Variants in TENM2 observed in about 807,000 individuals in gnomAD.
The protein encoded by TENM2 is teneurin transmembrane protein 2, also known as teneurin-2.
TENM2 carries 52 observed loss-of-function variants against 245.2 expected under a neutral mutation model. The observed-to-expected ratio is 0.21, with a 90% CI of 0.17 to 0.27. The LOEUF (loss-of-function observed/expected upper bound fraction) is 0.27, where lower values mean the gene tolerates loss of function less well. Ranked by LOEUF, TENM2 falls within the 10% of genes least tolerant of loss-of-function variation. The probability of loss-of-function intolerance (pLI) is 1.00; values close to 1 mark genes in which losing one functional copy is unlikely to be tolerated. For missense variants in TENM2, 3,046 were observed against 3,666.8 expected, an observed-to-expected ratio of 0.83 and a Z score of 4.37; for synonymous variants, 1,363 against 1,438.9, an observed-to-expected ratio of 0.95 and a Z score of 1.19.
rs1002162877 is a variant in TENM2 at position 168,109,038 on chromosome 5, C to T, written c.1814-9254C>T. On this transcript the variant is annotated intron_variant, in intron 9 of 28. Coordinates refer to ENST00000518659, the Ensembl canonical transcript of TENM2. Reference sequence around the variant, plus strand: ...CTTCAAACCTTCCATCATTCATACCCATCTCCTTCTACCACCCCATCTTGC... The same window carrying T: ...CTTCAAACCTTCCATCATTCATACCTATCTCCTTCTACCACCCCATCTTGC... 2.6e-5 allele frequency among the ~76,000 whole-genome samples: 4 copies of T among 152,146 alleles called. No homozygotes were observed. The South Asian group carries it at 8.3e-4, about 32-fold the overall frequency.
chr5:167,779,586 G>T (rs1276599920), intron 2 of TENM2, among the ~76,000 whole-genome samples: 5 of 152,140 alleles, frequency 3.3e-5, no homozygotes, highest in African/African-American at 7.2e-5. Flanking sequence ...CTTTATTAGG[G>T]TCTGTCCTTC....
intron 12 of TENM2, among the ~76,000 whole-genome samples, chr5:168,138,832 C>T (rs1755287836): frequency 1.3e-5 from 2 of 152,334 alleles, no homozygotes; most frequent in South Asian, 4.1e-4. Context: ...TCATTGAGTG[C>T]CTAACATGTG....
chr5:167,543,405 C>A (rs1772342124), intron 2 of TENM2, among the ~76,000 whole-genome samples: 1 of 152,106 alleles, frequency 6.6e-6, no homozygotes, highest in African/African-American at 2.4e-5. Flanking sequence ...GTGGTGAAGT[C>A]ACACAGCCAA....
At chr5:167,312,388 G>T (rs560845998) in intron 1 of TENM2, among the ~76,000 whole-genome samples, 3 of 152,112 alleles carry the variant, frequency 2.0e-5, no homozygotes, top group Non-Finnish European at 4.4e-5. Flanking sequence ...GTCTCCACTT[G>T]CCCCGGCTGT....
the TENM2 span, among the ~76,000 whole-genome samples, chr5:167,110,128 A>G: frequency 6.6e-6 from 1 of 152,358 alleles, no homozygotes; most frequent in South Asian, 2.1e-4. Context: ...GGCTCCCAAC[A>G]GAGAAATGGT....
the TENM2 span, among the ~76,000 whole-genome samples, chr5:167,095,123 C>A: frequency 1.3e-4 from 20 of 152,222 alleles, 1 homozygote; most frequent in African/African-American, 4.6e-4. Flanking sequence ...ATGGCCACCT[C>A]CCTCCAATCA....
intron 2 of TENM2, among the ~76,000 whole-genome samples, chr5:167,545,267 C>T (rs1294330064): frequency 6.6e-6 from 1 of 152,172 alleles, no homozygotes; most frequent in Admixed American, 6.5e-5. Context: ...CACTACCAAC[C>T]ACAACCTCCA....
intron 2 of TENM2, among the ~76,000 whole-genome samples, chr5:167,487,552 T>C (rs770265374): frequency 6.6e-6 from 1 of 152,206 alleles, no homozygotes; most frequent in Non-Finnish European, 1.5e-5. Flanking sequence ...TAGTGAACTT[T>C]CTGTGTATGA....
chr5:167,600,600 T>C (rs139659089), intron 2 of TENM2, among the ~76,000 whole-genome samples: 346 of 152,216 alleles, frequency 2.3e-3, no homozygotes, highest in African/African-American at 7.7e-3. Flanking sequence ...GACTGATGAG[T>C]TGGTTATAAT....
At chr5:167,473,643 G>T (rs1166036776) in intron 2 of TENM2, among the ~76,000 whole-genome samples, 3 of 152,186 alleles carry the variant, frequency 2.0e-5, no homozygotes, top group South Asian at 4.1e-4. Context: ...GCAGATCGTA[G>T]AAGTGTTATT....
chr5:168,055,499 T>C (rs1789460480), intron 6 of TENM2, among the ~76,000 whole-genome samples: 1 of 152,188 alleles, frequency 6.6e-6, no homozygotes, highest in Non-Finnish European at 1.5e-5. Flanking sequence ...TTAATACATG[T>C]GACCTGTTGT....
At chr5:167,829,981 TACCTCC>T (rs1408602519) in intron 2 of TENM2, among the ~76,000 whole-genome samples, 1 of 152,230 alleles carries the variant, frequency 6.6e-6, no homozygotes, top group Admixed American at 6.5e-5. Flanking sequence ...GGTCCCAGGA[TACCTCC>T]TCTTGCCAAG....
the TENM2 span, among the ~76,000 whole-genome samples, chr5:167,263,220 G>A: frequency 1.3e-5 from 2 of 152,186 alleles, no homozygotes; most frequent in East Asian, 3.8e-4. Flanking sequence ...ACTCTGTTAA[G>A]TACTATGTTA....
intron 2 of TENM2, among the ~76,000 whole-genome samples, chr5:167,465,518 G>C (rs2127499394): frequency 6.6e-6 from 1 of 152,322 alleles, no homozygotes; most frequent in East Asian, 1.9e-4. Context: ...TTTGACAGAT[G>C]AAGCTCAGCC....
At chr5:167,780,309 C>G (rs780717053) in intron 2 of TENM2, among the ~76,000 whole-genome samples, 9 of 152,216 alleles carry the variant, frequency 5.9e-5, no homozygotes, top group African/African-American at 2.2e-4. Context: ...CCGCAGTGCT[C>G]TCACAGTCAT....
At chr5:167,257,500 T>A in the TENM2 span, among the ~76,000 whole-genome samples, 347 of 151,794 alleles carry the variant, frequency 2.3e-3, 1 homozygote, top group African/African-American at 8.0e-3. Context: ...TAAGAATAAA[T>A]CATTTAGAAA....
chr5:167,416,161 T>G (rs1763158589), intron 2 of TENM2, among the ~76,000 whole-genome samples: 1 of 152,320 alleles, frequency 6.6e-6, no homozygotes, highest in Non-Finnish European at 1.5e-5. Context: ...GTCTCACTTC[T>G]TAGCCATTGG....
chr5:167,170,346 T>A, the TENM2 span, among the ~76,000 whole-genome samples: 2 of 152,226 alleles, frequency 1.3e-5, no homozygotes, highest in African/African-American at 4.8e-5. Context: ...CAAAGCAAAC[T>A]TCTGCATAAA....
chr5:167,564,901 A>G (rs1773814061), intron 2 of TENM2, among the ~76,000 whole-genome samples: 2 of 152,234 alleles, frequency 1.3e-5, no homozygotes, highest in South Asian at 2.1e-4. Context: ...GTCATGGCCA[A>G]TCCCAGAGTC....
Sources: gnomAD v4.1 joint callset for allele counts (sites outside exome capture counted in the v4.1 genomes callset) on GRCh38, gnomAD v4.1.1 for gene constraint, MANE v1.5 for transcripts, NCBI Gene and HGNC (gene_info 2026-07-23, HGNC 2026-07-21) for gene names.